The following ESR2 variants were observed in gnomAD, a reference collection of about 807,000 sequenced individuals.
ESR2 encodes the protein estrogen receptor beta.
ESR2 carries 36 observed loss-of-function variants against 49.6 expected under a neutral mutation model. The observed-to-expected ratio is 0.73, with a 90% CI of 0.56 to 0.96. The LOEUF (loss-of-function observed/expected upper bound fraction) is 0.96, where lower values mean the gene tolerates loss of function less well. Among genes scored for constraint, ESR2 ranks in the 40% least tolerant of loss-of-function variants. ESR2 has a pLI of 0.00. For synonymous variants in ESR2, 320 were observed against 266.1 expected, an observed-to-expected ratio of 1.20 and a Z score of -1.97; for missense variants, 714 against 693.0, an observed-to-expected ratio of 1.03 and a Z score of -0.34.
chr14:64,238,602 G>C (rs1296712203), intron 7 of ESR2, among the ~76,000 whole-genome samples: 4 of 151,982 alleles, frequency 2.6e-5, no homozygotes, highest in Non-Finnish European at 5.9e-5. Context: ...GGGCAGCATG[G>C]GGCAAGGGAC....
At chr14:64,294,860 C>G (rs374754294), upstream of ESR2, among the ~76,000 whole-genome samples, 1 of 152,224 alleles carries the variant, frequency 6.6e-6, no homozygotes, top group Non-Finnish European at 1.5e-5. Flanking sequence ...AGTGGGTTCT[C>G]AGCTCTCAAG....
At chr14:64,289,032 T>C (rs2076828013) in intron 1 of ESR2, among the ~76,000 whole-genome samples, 1 of 151,376 alleles carries the variant, frequency 6.6e-6, no homozygotes, top group Admixed American at 6.6e-5. Context: ...AGCCTGTTCT[T>C]ATGTATATTC....
At chr14:64,260,172 A>G (rs2076182751) in intron 5 of ESR2, 1 of 683,578 alleles carries the variant, frequency 1.5e-6, no homozygotes, top group African/African-American at 1.7e-5. Context: ...CAAGAATAGA[A>G]ATGGCTGGGC....
chr14:64,284,652 G>A (rs1400748646), intron 1 of ESR2, among the ~76,000 whole-genome samples: 4 of 151,824 alleles, frequency 2.6e-5, no homozygotes, highest in Non-Finnish European at 5.9e-5. Context: ...CAATATCTGA[G>A]GGGTAATTCA....
rs769163374 is a variant in ESR2, at chr14:64,257,301, A to C, written c.1016T>G (p.Leu339Ter). 6.2e-7 allele frequency: 1 copy of C among 1,613,958 alleles called. No homozygotes were observed. Among genetic ancestry groups the C allele is most frequent in the Non-Finnish European group, 8.5e-7 (1 of 1,180,030 alleles). Residue 339 changes from leucine (L) to a stop codon, truncating the protein, a stop_gained, in exon 6 of 9, where the codon TTA (leucine) becomes TGA (stop). Coordinates refer to ENST00000341099, the MANE Select transcript of ESR2 (RefSeq NM_001437.3). LOFTEE classifies it high-confidence loss of function. The stretch of plus-strand genomic sequence containing the variant: ...TGAGCGCCACATCAGCCCCATCATT[A>C]ACACCTCCATCCAACAGCTCTCCAA... Reference protein sequence around the residue: ...RLLESCWMEVLMMGLMWRSID... With the variant: ...RLLESCWMEV
chr14:64,293,457 C>A (rs1186946628), intron 1 of ESR2, among the ~76,000 whole-genome samples: 6 of 152,116 alleles, frequency 3.9e-5, no homozygotes, highest in African/African-American at 1.2e-4. Flanking sequence ...AGTTTTTTCA[C>A]AAAAATGACA....
chr14:64,243,418 G>GA (rs1409519050), intron 7 of ESR2, among the ~76,000 whole-genome samples: 2 of 152,226 alleles, frequency 1.3e-5, no homozygotes, highest in South Asian at 2.1e-4. Flanking sequence ...CATGCTGTTG[G>GA]AAAAAATGGT....
chr14:64,247,698 C>T (rs1204937522), intron 7 of ESR2, among the ~76,000 whole-genome samples: 1 of 152,170 alleles, frequency 6.6e-6, no homozygotes, highest in Non-Finnish European at 1.5e-5. Flanking sequence ...AATGGCTAAG[C>T]AAAGCCATCA....
intron 6 of ESR2, among the ~76,000 whole-genome samples, chr14:64,252,022 A>G (rs1005887739): frequency 7.2e-5 from 11 of 152,240 alleles, no homozygotes; most frequent in African/African-American, 2.7e-4. Flanking sequence ...GAGTTGAATT[A>G]AAGACAGGGC....
intron 7 of ESR2, among the ~76,000 whole-genome samples, chr14:64,244,569 C>T (rs537937867): frequency 1.5e-3 from 235 of 152,276 alleles, no homozygotes; most frequent in African/African-American, 5.5e-3. Flanking sequence ...CCTTGGACAT[C>T]AGAACTCCAG....
chr14:64,309,286 ATATTT>A (rs1200707419), intron 1 of ESR2, among the ~76,000 whole-genome samples: 3 of 152,204 alleles, frequency 2.0e-5, no homozygotes, highest in Admixed American at 2.0e-4. Context: ...CTGTGGTATA[ATATTT>A]TAACAGGTTG....
chr14:64,296,731 A>G (rs1035036902), upstream of ESR2, among the ~76,000 whole-genome samples: 1 of 152,228 alleles, frequency 6.6e-6, no homozygotes, highest in African/African-American at 2.4e-5. Context: ...GGCATTCTAC[A>G]CACAGGAACA....
At chr14:64,330,246 A>C (rs1330355196) in intron 1 of ESR2, 1 of 152,264 alleles carries the variant, frequency 6.6e-6, no homozygotes, top group Non-Finnish European at 1.5e-5. Flanking sequence ...CCTGACCAAT[A>C]TGGAGAAACC....
At chr14:64,295,203 C>CA (rs887808284), upstream of ESR2, among the ~76,000 whole-genome samples, 1 of 152,088 alleles carries the variant, frequency 6.6e-6, no homozygotes, top group Admixed American at 6.6e-5. Flanking sequence ...GTGAGAACCC[C>CA]CCAGTGTCAC....
At position 64,260,725 on chromosome 14, in the gene ESR2, A is replaced by G; in HGVS notation, c.676T>C (p.Tyr226His). 6.6e-7 allele frequency: 1 copy of G among 1,514,114 alleles called. No homozygotes were observed. The highest frequency in any genetic ancestry group is 2.4e-5 in the East Asian group (1 of 41,438). The allele number at this position is 1,514,114 out of a possible 1,614,324, so 93.8% of individuals were successfully genotyped here. ...CTTCTCTGTCTCCGCACAAGGCGGT[A>G]CCCACATCTCTCTCTCCGGGAGCCT... Reference protein sequence around the residue: ...KCGSRRERCGYRLVRRQRSAD... With the variant: ...KCGSRRERCGHRLVRRQRSAD... The change falls in exon 5 of 9, where the codon TAC becomes CAC. Residue 226 changes from tyrosine (Y) to histidine (H), a missense_variant. Coordinates refer to ENST00000341099, the MANE Select transcript of ESR2 (RefSeq NM_001437.3).
At chr14:64,245,894 G>A (rs754589133) in intron 7 of ESR2, among the ~76,000 whole-genome samples, 8 of 152,202 alleles carry the variant, frequency 5.3e-5, no homozygotes, top group East Asian at 1.9e-4. Flanking sequence ...CCCATCATCT[G>A]GCATTTGATG....
chr14:64,239,697 C>A (rs1219307222), intron 7 of ESR2, among the ~76,000 whole-genome samples: 1 of 152,158 alleles, frequency 6.6e-6, no homozygotes, highest in African/African-American at 2.4e-5. Flanking sequence ...AACACTCTAA[C>A]AAGCATTGTA....
intron 1 of ESR2, among the ~76,000 whole-genome samples, chr14:64,309,054 G>A (rs1233635586): frequency 6.6e-6 from 1 of 152,136 alleles, no homozygotes; most frequent in African/African-American, 2.4e-5. Flanking sequence ...CATTTGGTGA[G>A]GATCAAATAA....
chr14:64,238,671 C>T (rs2075657195), intron 7 of ESR2, among the ~76,000 whole-genome samples: 1 of 152,068 alleles, frequency 6.6e-6, no homozygotes, highest in African/African-American at 2.4e-5. Flanking sequence ...GCACCCTCTC[C>T]ATCCCCCAAA....
Sources: gnomAD v4.1 joint callset for allele counts (sites outside exome capture counted in the v4.1 genomes callset) on GRCh38, gnomAD v4.1.1 for gene constraint, MANE v1.5 for transcripts, NCBI Gene and HGNC (gene_info 2026-07-23, HGNC 2026-07-21) for gene names.